BTBD9: variants seen among roughly 807,000 people sequenced by gnomAD.
The protein encoded by BTBD9 is BTB/POZ domain-containing protein 9.
BTBD9 carries 49 observed loss-of-function variants against 64.3 expected under a neutral mutation model. The ratio of observed to expected loss-of-function variants is 0.76; its 90% CI spans 0.61 to 0.97. The LOEUF (loss-of-function observed/expected upper bound fraction) is 0.97. BTBD9 is among the 50% of genes least tolerant of loss of function. BTBD9 has a pLI of 0.00. For synonymous variants in BTBD9, 260 were observed against 274.7 expected, an observed-to-expected ratio of 0.95 and a Z score of 0.53; for missense variants, 598 against 762.1, an observed-to-expected ratio of 0.78 and a Z score of 2.53.
At chr6:38,374,306 T>TATATATATATAC (rs1491240635) in intron 6 of BTBD9, among the ~76,000 whole-genome samples, 31 of 84,574 alleles carry the variant, frequency 3.7e-4, no homozygotes, top group Non-Finnish European at 5.0e-4. Context: ...TGTATATATA[T>TATATATATATAC]GTATATATAT....
Position 38,199,714 on chromosome 6 carries a change from C to A in BTBD9, c.1563-7117G>T, listed in dbSNP as rs745802515. Among the ~76,000 whole-genome samples the A allele has an allele frequency of 2.0e-5, 3 of 152,286 alleles. No individual in the cohort carries two copies. In the East Asian group the frequency reaches 5.8e-4, roughly 29 times the overall value. On this transcript the variant is annotated intron_variant, in intron 9 of 10. Coordinates refer to ENST00000481247, the MANE Select transcript of BTBD9 (RefSeq NM_001099272.2). ...CAGCCATGCAGATCTGAAAGGGCAT[C>A]CCAGTGAGAAGGCACAGAAAGCACT...
intron 6 of BTBD9, among the ~76,000 whole-genome samples, chr6:38,489,687 T>C (rs578045709): frequency 4.3e-4 from 65 of 152,348 alleles, no homozygotes; most frequent in African/African-American, 1.5e-3. Context: ...CAAAATATTT[T>C]TCCATTTGAT....
At chr6:38,327,801 A>G (rs1763500330) in intron 7 of BTBD9, among the ~76,000 whole-genome samples, 1 of 152,234 alleles carries the variant, frequency 6.6e-6, no homozygotes, top group Non-Finnish European at 1.5e-5. Context: ...ATCACACAGT[A>G]CATATTTTTT....
At chr6:38,183,935 C>T (rs548506921) in intron 10 of BTBD9, among the ~76,000 whole-genome samples, 1 of 152,288 alleles carries the variant, frequency 6.6e-6, no homozygotes, top group Admixed American at 6.5e-5. Context: ...GTGCTGAGGA[C>T]ACAAAGATGC....
intron 7 of BTBD9, among the ~76,000 whole-genome samples, chr6:38,314,332 A>C (rs112958831): frequency 0.03 from 4,480 of 151,228 alleles, 209 homozygotes; most frequent in African/African-American, 0.1. Context: ...AGTAGCTGGG[A>C]CTACAGGCGC....
At chr6:38,477,255 G>A (rs1017639145) in intron 6 of BTBD9, among the ~76,000 whole-genome samples, 2 of 152,174 alleles carry the variant, frequency 1.3e-5, no homozygotes, top group African/African-American at 4.8e-5. Flanking sequence ...GATGTACAAG[G>A]AACAGAAGCA....
chr6:38,363,417 A>G (rs548844532), intron 6 of BTBD9, among the ~76,000 whole-genome samples: 1 of 152,346 alleles, frequency 6.6e-6, no homozygotes, highest in South Asian at 2.1e-4. Context: ...CAAACTAACA[A>G]AAACCTAAAC....
chr6:38,497,832 C>T (rs920587677), intron 6 of BTBD9, among the ~76,000 whole-genome samples: 5 of 152,178 alleles, frequency 3.3e-5, no homozygotes, highest in African/African-American at 1.2e-4. Flanking sequence ...TCTCAAGTCC[C>T]AGGCAGAACC....
At chr6:38,628,809 G>A (rs1343656182) in intron 1 of BTBD9, among the ~76,000 whole-genome samples, 1 of 152,126 alleles carries the variant, frequency 6.6e-6, no homozygotes, top group Non-Finnish European at 1.5e-5. Context: ...CAGTAGCTCT[G>A]AGCACACCTA....
At chr6:38,413,858 C>T (rs530447608) in intron 6 of BTBD9, among the ~76,000 whole-genome samples, 4 of 152,096 alleles carry the variant, frequency 2.6e-5, no homozygotes, top group African/African-American at 9.6e-5. Context: ...TCAAGTTTCC[C>T]AACCATAAAA....
intron 6 of BTBD9, among the ~76,000 whole-genome samples, chr6:38,506,696 T>C (rs1008125053): frequency 4.6e-5 from 7 of 152,200 alleles, no homozygotes; most frequent in African/African-American, 1.7e-4. Context: ...CAATCAGTCA[T>C]TAACTGACCC....
At chr6:38,593,673 A>G (rs1238435474) in intron 3 of BTBD9, among the ~76,000 whole-genome samples, 1 of 152,214 alleles carries the variant, frequency 6.6e-6, no homozygotes, top group Non-Finnish European at 1.5e-5. Context: ...AATACCAAAA[A>G]GGACCCTATT....
At chr6:38,558,273 C>A (rs938304889) in intron 6 of BTBD9, among the ~76,000 whole-genome samples, 2 of 146,040 alleles carry the variant, frequency 1.4e-5, no homozygotes, top group African/African-American at 2.6e-5. Context: ...AAAAAAAAAT[C>A]TATCAGGTCT....
chr6:38,500,691 C>T (rs985939859), intron 6 of BTBD9, among the ~76,000 whole-genome samples: 3 of 152,158 alleles, frequency 2.0e-5, no homozygotes, highest in African/African-American at 7.2e-5. Context: ...GTCAAGAAAA[C>T]CAGAAGCCCC....
intron 9 of BTBD9, among the ~76,000 whole-genome samples, chr6:38,211,285 C>T (rs867192480): frequency 1.3e-5 from 2 of 152,022 alleles, no homozygotes; most frequent in African/African-American, 2.4e-5. Context: ...AAAAATTAGC[C>T]GGGCATGGTG....
chr6:38,436,619 G>A (rs1013742648), intron 6 of BTBD9, among the ~76,000 whole-genome samples: 2 of 151,872 alleles, frequency 1.3e-5, no homozygotes, highest in South Asian at 2.1e-4. Flanking sequence ...CAGGTCATCC[G>A]CCTGCCTTGG....
At chr6:38,189,895 A>C (rs1351599912) in intron 10 of BTBD9, among the ~76,000 whole-genome samples, 1 of 151,798 alleles carries the variant, frequency 6.6e-6, no homozygotes, top group Non-Finnish European at 1.5e-5. Context: ...GCTGGTCCCA[A>C]ACTTCTGACC....
intron 6 of BTBD9, chr6:38,566,134 A>G (rs1422514466): frequency 2.0e-5 from 3 of 152,216 alleles, no homozygotes; most frequent in Admixed American, 6.5e-5. Context: ...ATATAAAGAT[A>G]TATGTGTAAG....
At chr6:38,287,082 C>CAAAAAA (rs60618390) in intron 8 of BTBD9, among the ~76,000 whole-genome samples, 1,432 of 25,380 alleles carry the variant, frequency 0.056, 427 homozygotes, top group East Asian at 0.37. Context: ...GGCTCCATCT[C>CAAAAAA]AAAAAAAAAA....
Sources: gnomAD v4.1 joint callset for allele counts (sites outside exome capture counted in the v4.1 genomes callset) on GRCh38, gnomAD v4.1.1 for gene constraint, MANE v1.5 for transcripts, NCBI Gene and HGNC (gene_info 2026-07-23, HGNC 2026-07-21) for gene names.